CRB1: variants seen among roughly 807,000 people sequenced by gnomAD.
CRB1 encodes the protein crumbs cell polarity complex component 1.
CRB1 carries 83 observed loss-of-function variants against 120.0 expected under a neutral mutation model. The ratio of observed to expected loss-of-function variants is 0.69; its 90% confidence interval spans 0.58 to 0.83. The LOEUF is 0.83. Ranked by LOEUF, CRB1 falls within the 40% of genes least tolerant of loss-of-function variation. The pLI is 0.00. For missense variants in CRB1, 1,699 were observed against 1,687.6 expected (o/e 1.01, Z -0.12); for synonymous variants, 625 against 612.5 (o/e 1.02, Z -0.30).
intron 5 of CRB1, among the ~76,000 whole-genome samples, chr1:197,372,163 T>C (rs1351542158): frequency 6.6e-6 from 1 of 152,064 alleles, no homozygotes; most frequent in Admixed American, 6.6e-5. Flanking sequence ...AGCAATAAGA[T>C]GAAGTCAACC....
At chr1:197,436,279 A>C (rs1356698048) in intron 9 of CRB1, among the ~76,000 whole-genome samples, 1 of 152,272 alleles carries the variant, frequency 6.6e-6, no homozygotes, top group East Asian at 1.9e-4. Flanking sequence ...TAGGAAAGAA[A>C]AAATAAATTT....
At chr1:197,467,297 C>T (rs1666791822) in intron 11 of CRB1, among the ~76,000 whole-genome samples, 1 of 151,912 alleles carries the variant, frequency 6.6e-6, no homozygotes, top group African/African-American at 2.4e-5. Flanking sequence ...ATTTTGATAC[C>T]TTTGCTTTAT....
At chr1:197,262,211 A>G in the CRB1 span, among the ~76,000 whole-genome samples, 2 of 152,176 alleles carry the variant, frequency 1.3e-5, no homozygotes, top group Non-Finnish European at 2.9e-5. Flanking sequence ...TATGACATCA[A>G]TAGTGTCCAC....
At chr1:197,287,761 T>A (rs1203984678) in intron 1 of CRB1, among the ~76,000 whole-genome samples, 1 of 151,882 alleles carries the variant, frequency 6.6e-6, no homozygotes, top group Non-Finnish European at 1.5e-5. Flanking sequence ...CCTCCTTAGC[T>A]ACACAAACAG....
At chr1:197,438,918 G>A in intron 10 of CRB1, 2 of 407,646 alleles carry the variant, frequency 4.9e-6, no homozygotes, top group Non-Finnish European at 9.1e-6. Flanking sequence ...AATGTATAAT[G>A]TGCTATTTTT....
chr1:197,378,080 A>T (rs1307633977), intron 5 of CRB1, among the ~76,000 whole-genome samples: 1 of 152,202 alleles, frequency 6.6e-6, no homozygotes, highest in Non-Finnish European at 1.5e-5. Context: ...TTTTGTTGAC[A>T]TGTAAGTTTT....
chr1:197,208,770 A>G, the CRB1 span, among the ~76,000 whole-genome samples: 3 of 152,200 alleles, frequency 2.0e-5, no homozygotes, highest in Non-Finnish European at 2.9e-5. Flanking sequence ...AGGCTCAGGC[A>G]TTAGATGAGC....
intron 8 of CRB1, among the ~76,000 whole-genome samples, chr1:197,434,461 T>G (rs1170238541): frequency 6.6e-6 from 1 of 152,152 alleles, no homozygotes; most frequent in Admixed American, 6.6e-5. Flanking sequence ...TACATGACCA[T>G]GAACAAAATT....
chr1:197,210,527 G>C, the CRB1 span, among the ~76,000 whole-genome samples: 390 of 152,072 alleles, frequency 2.6e-3, no homozygotes, highest in Non-Finnish European at 4.2e-3. Context: ...CTGTGGACCT[G>C]TCCCACAGAT....
Position 197,387,508 on chromosome 1 carries a change from C to G in CRB1, c.1171+30495C>G, listed in dbSNP as rs1487213484. The stretch of plus-strand genomic sequence containing the variant: ...TCCCTGTGCCGCTCCATAGAATTCT[C>G]TAAATCTCTCTACATCTTTTTTGGA... On this transcript the variant is annotated intron_variant, in intron 5 of 11. Coordinates refer to ENST00000367400, the MANE Select transcript of CRB1 (RefSeq NM_201253.3). Among the ~76,000 whole-genome samples, 4 of 151,996 alleles carry G rather than the reference C, an allele frequency of 2.6e-5. No homozygotes were observed. In the East Asian group the frequency reaches 7.7e-4, roughly 29 times the overall value.
chr1:197,466,760 G>A lies in CRB1; in HGVS notation c.4006-10904G>A, dbSNP rs530347796. On this transcript the variant is annotated intron_variant, in intron 11 of 11. Coordinates refer to ENST00000367400, the MANE Select transcript of CRB1 (RefSeq NM_201253.3). The stretch of plus-strand genomic sequence containing the variant: ...AGGGATCCTGCATTATTTTTTCTGC[G>A]TAATGTGAGAATGAATTAATAGCAG... Among the ~76,000 whole-genome samples, 142 of 152,284 alleles carry A rather than the reference G, an allele frequency of 9.3e-4. 2 individuals carry two copies. Among genetic ancestry groups the A allele is most frequent in the African/African-American group, 9.6e-4 (40 of 41,554 alleles).
intron 5 of CRB1, chr1:197,357,796 T>A (rs1285234999): frequency 6.6e-6 from 1 of 152,342 alleles, no homozygotes; most frequent in African/African-American, 2.4e-5. Context: ...TATTTACACT[T>A]AGGATTCTCT....
At chr1:197,343,557 GTT>G (rs1340144159) in intron 2 of CRB1, among the ~76,000 whole-genome samples, 1 of 151,982 alleles carries the variant, frequency 6.6e-6, no homozygotes, top group South Asian at 2.1e-4. Context: ...ATTGTCACCA[GTT>G]TTTGTATTTA....
chr1:197,211,536 T>A, the CRB1 span, among the ~76,000 whole-genome samples: 1 of 152,168 alleles, frequency 6.6e-6, no homozygotes, highest in Non-Finnish European at 1.5e-5. Context: ...TACTGTGTGC[T>A]CATGTGGCAG....
At chr1:197,323,200 A>T (rs1658303566) in intron 1 of CRB1, among the ~76,000 whole-genome samples, 2 of 152,170 alleles carry the variant, frequency 1.3e-5, no homozygotes, top group African/African-American at 4.8e-5. Context: ...TTATTTTACA[A>T]ATGTCACTTT....
intron 5 of CRB1, among the ~76,000 whole-genome samples, chr1:197,374,628 G>C (rs910814265): frequency 1.3e-5 from 2 of 152,128 alleles, no homozygotes; most frequent in Non-Finnish European, 2.9e-5. Flanking sequence ...AGAGCAGCTC[G>C]ACACTAGTAA....
At chr1:197,225,326 A>G in the CRB1 span, among the ~76,000 whole-genome samples, 1,055 of 152,330 alleles carry the variant, frequency 6.9e-3, 11 homozygotes, top group African/African-American at 0.023. Flanking sequence ...TAATGTTTCA[A>G]AGATATCCAT....
At chr1:197,231,051 T>C in the CRB1 span, among the ~76,000 whole-genome samples, 13 of 152,322 alleles carry the variant, frequency 8.5e-5, no homozygotes, top group African/African-American at 3.1e-4. Context: ...AGACTTTGCT[T>C]CCCAATTTGG....
At chr1:197,351,627 TAACA>T (rs1660114155) in intron 4 of CRB1, among the ~76,000 whole-genome samples, 2 of 152,022 alleles carry the variant, frequency 1.3e-5, no homozygotes, top group African/African-American at 4.8e-5. Context: ...TCAAAGAAAA[TAACA>T]CTAAAGGCAG....
Sources: gnomAD v4.1 joint callset for allele counts (sites outside exome capture counted in the v4.1 genomes callset) on GRCh38, gnomAD v4.1.1 for gene constraint, MANE v1.5 for transcripts, NCBI Gene and HGNC (gene_info 2026-07-23, HGNC 2026-07-21) for gene names.